PHEX: variants seen among roughly 807,000 people sequenced by gnomAD.
PHEX encodes phosphate regulating endopeptidase X-linked.
PHEX carries 16 observed loss-of-function variants against 68.0 expected under a neutral mutation model. The observed-to-expected ratio is 0.24, with a 90% confidence interval of 0.16 to 0.36. The LOEUF (loss-of-function observed/expected upper bound fraction) is 0.36. Among genes scored for constraint, PHEX ranks in the 10% least tolerant of loss-of-function variants. PHEX has a pLI of 1.00. For missense variants in PHEX, 480 were observed against 575.5 expected (o/e 0.83, Z 1.70); for synonymous variants, 208 against 205.1 (o/e 1.01, Z -0.12).
chrX:22,249,455 A>ATATATATATATATATATAT lies in PHEX; in HGVS notation c.*1502_*1503insTATATATATATATATATAT, dbSNP rs1555900710. On this transcript the variant is annotated 3_prime_UTR_variant, in exon 22 of 22. Transcript: ENST00000379374. ...TTGTGATTCTTTTAAAAAAAAAAAA[A>ATATATATATATATATATAT]ATATATATATATATATATATATATA... 16 of 39,750 alleles carry ATATATATATATATATATAT rather than the reference A, an allele frequency of 4.0e-4. No homozygotes were observed. Among genetic ancestry groups the ATATATATATATATATATAT allele is most frequent in the African/African-American group, 2.3e-3 (14 of 6,011 alleles). 3.3% of individuals were successfully genotyped at this position (39,750 alleles called of 1,213,427 possible).
intron 1 of PHEX, among the ~76,000 whole-genome samples, chrX:22,036,932 C>A (rs1927050094): frequency 9.3e-6 from 1 of 107,900 alleles, no homozygotes; most frequent in South Asian, 4.1e-4. Flanking sequence ...CCCATCTCCA[C>A]TAAAAAATAC....
chrX:22,249,455 A>ATATATAT lies in PHEX; in HGVS notation c.*1502_*1503insTATATAT, dbSNP rs1555900710. On this transcript the variant is annotated 3_prime_UTR_variant, in exon 22 of 22. Transcript: ENST00000379374. ...TTGTGATTCTTTTAAAAAAAAAAAA[A>ATATATAT]ATATATATATATATATATATATATA... 65 of 39,742 alleles carry ATATATAT rather than the reference A, an allele frequency of 1.6e-3. No individual in the cohort carries two copies. The highest frequency in any genetic ancestry group is 1.7e-3 in the Non-Finnish European group (42 of 24,459). The allele number at this position is 39,742 out of a possible 1,213,427, so 3.3% of individuals were successfully genotyped here.
intron 9 of PHEX, among the ~76,000 whole-genome samples, chrX:22,104,252 G>A (rs1441618027): frequency 9.0e-6 from 1 of 111,414 alleles, no homozygotes; most frequent in Non-Finnish European, 1.9e-5. Flanking sequence ...CTGACTGAGT[G>A]GCTGTGGGGA....
chrX:22,185,459 G>A (rs1233805325), intron 14 of PHEX, among the ~76,000 whole-genome samples: 3 of 111,902 alleles, frequency 2.7e-5, no homozygotes, highest in African/African-American at 9.8e-5. Context: ...CTACATGGGT[G>A]TAAACAACAG....
intron 12 of PHEX, among the ~76,000 whole-genome samples, chrX:22,142,198 G>A (rs939719057): frequency 2.8e-4 from 31 of 112,012 alleles, no homozygotes; most frequent in African/African-American, 9.4e-4. Flanking sequence ...GTTGCAGTGA[G>A]CCAAGATTAC....
intron 14 of PHEX, among the ~76,000 whole-genome samples, chrX:22,186,334 G>C (rs182248971): frequency 5.6e-4 from 63 of 112,066 alleles, no homozygotes; most frequent in African/African-American, 1.9e-3. Flanking sequence ...AAGTCACACT[G>C]TCATTTCTGC....
intron 12 of PHEX, among the ~76,000 whole-genome samples, chrX:22,166,265 T>C (rs73636812): frequency 0.055 from 6,101 of 111,586 alleles, 452 homozygotes; most frequent in African/African-American, 0.19. Context: ...CATCTCCTTT[T>C]ATTCCCATGC....
chrX:22,212,260 A>T (rs190299735), intron 15 of PHEX, among the ~76,000 whole-genome samples: 2 of 111,201 alleles, frequency 1.8e-5, no homozygotes, highest in African/African-American at 6.6e-5. Flanking sequence ...TTCTAGATGT[A>T]TCGTATTTAC....
At chrX:22,091,310 G>C (rs147141830) in intron 6 of PHEX, among the ~76,000 whole-genome samples, 142 of 111,499 alleles carry the variant, frequency 1.3e-3, no homozygotes, top group South Asian at 6.5e-3. Flanking sequence ...TTGCCAATGT[G>C]GGGGGAGGGT....
At chrX:22,193,599 G>A (rs1038108459) in intron 15 of PHEX, among the ~76,000 whole-genome samples, 20 of 111,809 alleles carry the variant, frequency 1.8e-4, no homozygotes, top group Non-Finnish European at 2.8e-4. Context: ...GGATTTGTTC[G>A]TGTAGCATGT....
intron 12 of PHEX, among the ~76,000 whole-genome samples, chrX:22,143,617 A>G (rs944297317): frequency 8.9e-6 from 1 of 112,122 alleles, no homozygotes; most frequent in Non-Finnish European, 1.9e-5. Flanking sequence ...TTTTGTTTCT[A>G]TGGATTCATG....
intron 20 of PHEX, among the ~76,000 whole-genome samples, chrX:22,236,706 AT>A: frequency 9.0e-6 from 1 of 111,022 alleles, no homozygotes; most frequent in South Asian, 3.7e-4. Flanking sequence ...CAGGGACCTT[AT>A]AGTCTTCAAA....
chrX:22,046,993 G>C (rs944348568), intron 2 of PHEX, 57 bp from the exon 3 acceptor site: 1 of 1,003,074 alleles, frequency 1.0e-6, no homozygotes, highest in African/African-American at 1.9e-5. Flanking sequence ...ATTTGGAAAA[G>C]AACAGTATAC....
chrX:22,196,151 C>T (rs191897217), intron 15 of PHEX, among the ~76,000 whole-genome samples: 4 of 111,396 alleles, frequency 3.6e-5, no homozygotes, highest in African/African-American at 6.6e-5. Context: ...TGTACTCCAG[C>T]CTGGGTGACA....
In PHEX at chrX:22,141,384, A is replaced by C. The variant is rs191516974; in HGVS notation, c.1404+7760A>C. On this transcript the variant is annotated intron_variant, in intron 12 of 21. Coordinates refer to ENST00000379374, the MANE Select transcript of PHEX (RefSeq NM_000444.6). ...ACTCACACAGCACAATGGGAATATT[A>C]TTACTGCCTTTGTCTTGCATACAAA... Among the ~76,000 whole-genome samples, 20 of 112,151 alleles carry C rather than the reference A, an allele frequency of 1.8e-4. No homozygotes were observed. In the East Asian group the frequency reaches 5.3e-3, roughly 30 times the overall value.
intron 13 of PHEX, chrX:22,172,823 A>G (rs1265224936): frequency 3.6e-5 from 4 of 111,991 alleles, no homozygotes; most frequent in African/African-American, 1.3e-4. Flanking sequence ...TAAGGACCAA[A>G]GTCAGAATCA....
intron 18 of PHEX, among the ~76,000 whole-genome samples, chrX:22,223,333 C>A (rs1031355602): frequency 2.7e-5 from 3 of 111,260 alleles, no homozygotes; most frequent in Admixed American, 9.6e-5. Flanking sequence ...TGTTCCTTTT[C>A]GTAGCTGTTG....
intron 18 of PHEX, among the ~76,000 whole-genome samples, chrX:22,223,427 A>G (rs1935333593): frequency 9.0e-6 from 1 of 111,433 alleles, no homozygotes; most frequent in African/African-American, 3.3e-5. Flanking sequence ...GGCTGCTCCA[A>G]AAGGCTCTAA....
intron 20 of PHEX, among the ~76,000 whole-genome samples, chrX:22,236,842 G>A (rs1373918110): frequency 1.8e-5 from 2 of 112,386 alleles, no homozygotes; most frequent in Non-Finnish European, 3.8e-5. Context: ...ATATCTCTTT[G>A]TAGATAAAAT....
Sources: allele counts gnomAD v4.1 joint callset (sites outside exome capture counted in the v4.1 genomes callset), GRCh38; gene constraint gnomAD v4.1.1; transcripts MANE v1.5; gene names NCBI Gene and HGNC (gene_info 2026-07-23, HGNC 2026-07-21).